Variants in EGR2 observed in about 807,000 individuals in gnomAD.
EGR2 encodes the protein early growth response 2, also known as E3 SUMO-protein ligase EGR2.
Under a neutral mutation model 21.2 loss-of-function variants are expected in EGR2, and 2 were observed. That is an observed-to-expected ratio of 0.09 (90% CI 0.04 to 0.30). EGR2 has a LOEUF of 0.30. Ranked by LOEUF, EGR2 falls within the 10% of genes least tolerant of loss-of-function variation. EGR2 has a pLI of 1.00. For synonymous variants in EGR2, 282 were observed against 258.2 expected (o/e 1.09, Z -0.88); for missense variants, 458 against 630.2 (o/e 0.73, Z 2.93).
At chr10:62,818,918 T>G (rs1838319474), upstream of EGR2, among the ~76,000 whole-genome samples, 2 of 151,878 alleles carry the variant, frequency 1.3e-5, no homozygotes, top group East Asian at 3.9e-4. Flanking sequence ...GACGCCCGAG[T>G]GCCCGGCCAG....
chr10:62,814,536 CG>C lies in EGR2; in HGVS notation c.170-69del. ...ACAGCCAGGACTCCCTTCTCACCCC[CG>C]CTCACATAGGTCCATTTCCAAGGCC... On this transcript the variant is annotated intron_variant, in intron 1 of 1. Transcript: ENST00000242480. This position sits in a 1 kb window ranked among gnomAD's most constrained non-coding sequence, Gnocchi z 4.8. 1 of 1,452,686 alleles carries C rather than the reference CG, an allele frequency of 6.9e-7. No homozygotes were observed. The highest frequency in any genetic ancestry group is 9.7e-7 in the Non-Finnish European group (1 of 1,035,718). The allele number at this position is 1,452,686 out of a possible 1,614,324, so 90.0% of individuals were successfully genotyped here.
intron 1 of EGR2, among the ~76,000 whole-genome samples, chr10:62,815,640 C>T (rs1842246854): frequency 1.3e-5 from 2 of 152,232 alleles, no homozygotes; most frequent in Non-Finnish European, 2.9e-5. Flanking sequence ...CGCCGGGGCG[C>T]ACGCACGCCG....
Position 62,812,180 on chromosome 10 carries a change from T to A in EGR2, c.*1027A>T, listed in dbSNP as rs996934484. 6.5e-6 allele frequency: 1 copy of A among 152,794 alleles called. No individual in the cohort carries two copies. The highest frequency in any genetic ancestry group is 1.5e-5 in the Non-Finnish European group (1 of 68,038). The allele number at this position is 152,794 out of a possible 1,614,324, so 9.5% of individuals were successfully genotyped here. On this transcript the variant is annotated 3_prime_UTR_variant, in exon 2 of 2. Coordinates refer to ENST00000242480, the MANE Select transcript of EGR2 (RefSeq NM_000399.5). ...AAATTTGACTACAAAGGTAACACTTTTAAGTCACAAAACAAAGCATACAAA... is the reference window on the plus strand; with the variant it reads ...AAATTTGACTACAAAGGTAACACTTATAAGTCACAAAACAAAGCATACAAA...
rs777521477 is a variant in EGR2 at position 62,814,487 on chromosome 10, G to T, written c.170-19C>A. On this transcript the variant is annotated intron_variant, in intron 1 of 1. Coordinates refer to ENST00000242480, the MANE Select transcript of EGR2 (RefSeq NM_000399.5). This position sits in a 1 kb window ranked among gnomAD's most constrained non-coding sequence, Gnocchi z 4.8. ...ATGCCATCTGGGGAGGGGAAAGGCAGAATGGAGGTGGAACAATGAAAATAC... is the reference window on the plus strand; with the variant it reads ...ATGCCATCTGGGGAGGGGAAAGGCATAATGGAGGTGGAACAATGAAAATAC... 2 of 1,612,264 alleles carry T rather than the reference G, an allele frequency of 1.2e-6. No individual in the cohort carries two copies. Among genetic ancestry groups the T allele is most frequent in the African/African-American group, 2.7e-5 (2 of 74,826 alleles).
Position 62,814,792 on chromosome 10 carries a change from A to T in EGR2, c.170-324T>A, listed in dbSNP as rs542164952. Among the ~76,000 whole-genome samples, 18 of 152,340 alleles carry T rather than the reference A, an allele frequency of 1.2e-4. No homozygotes were observed. Among genetic ancestry groups the T allele is most frequent in the African/African-American group, 2.9e-4 (12 of 41,576 alleles). On this transcript the variant is annotated intron_variant, in intron 1 of 1. Transcript: ENST00000242480. This position sits in a 1 kb window ranked among gnomAD's most constrained non-coding sequence, Gnocchi z 4.8. ...CCAATAATAGCAACAACAATATTTT[A>T]AAAAGCCTCATCCGCCCGGAGCTTT...
In EGR2 at chr10:62,813,289, C is replaced by G. The variant is rs1032405898; in HGVS notation, c.1349G>C (p.Gly450Ala). The G allele has an allele frequency of 1.3e-6, 2 of 1,573,218 alleles. No individual in the cohort carries two copies. The highest frequency in any genetic ancestry group is 2.7e-5 in the African/African-American group (2 of 74,232). Residue 450 changes from glycine to alanine, a missense_variant, in exon 2 of 2, where the codon GGG becomes GCG. By Grantham distance (60) the Gly-to-Ala change is moderately conservative. Transcript: ENST00000242480. The surrounding 1 kb of genome is among the most constrained non-coding windows in gnomAD (Gnocchi z 5.7). The stretch of plus-strand genomic sequence containing the variant: ...GCTGTTACTGCTGCACAGGGTACCC[C>G]CAGGCTGCACGCCCCCAGAGCAGGA... ...TASCSGGVQPGGTLCSSNSSS... is the reference protein window; with the variant it reads ...TASCSGGVQPAGTLCSSNSSS...
Position 62,813,244 on chromosome 10 carries a change from G to A in EGR2, c.1394C>T (p.Pro465Leu). ...SSNSSSLGGGPLAPCSSRTRT... is the reference protein window; with the variant it reads ...SSNSSSLGGGLLAPCSSRTRT... ...GGTCCGAGAGGAGCAAGGGGCGAGC[G>A]GCCCTCCGCCAAGACTGCTGCTGTT... Residue 465 changes from proline to leucine, a missense_variant, in exon 2 of 2, where the codon CCG becomes CTG. Pro to Leu is a moderately conservative substitution (Grantham distance 98). Transcript: ENST00000242480. The surrounding 1 kb of genome is among the most constrained non-coding windows in gnomAD (Gnocchi z 5.7). The A allele has an allele frequency of 5.7e-6, 9 of 1,566,804 alleles. No individual in the cohort carries two copies. Among genetic ancestry groups the A allele is most frequent in the African/African-American group, 1.4e-5 (1 of 73,810 alleles).
intron 1 of EGR2, among the ~76,000 whole-genome samples, chr10:62,815,510 T>C (rs1455310761): frequency 6.6e-6 from 1 of 152,124 alleles, no homozygotes; most frequent in African/African-American, 2.4e-5. Context: ...TACCGTCACT[T>C]TGCCCCTGCC....
upstream of EGR2, among the ~76,000 whole-genome samples, chr10:62,817,221 C>T (rs1443909767): frequency 6.6e-6 from 1 of 152,108 alleles, no homozygotes; most frequent in Non-Finnish European, 1.5e-5. The surrounding 1 kb of genome is among the most constrained non-coding windows in gnomAD (Gnocchi z 4.4). Context: ...GGCGCCCTTC[C>T]CGGCGCGTCT....
chr10:62,814,307 C>T lies in EGR2; in HGVS notation c.331G>A (p.Gly111Ser), dbSNP rs546268868. 2 of 1,614,140 alleles carry T rather than the reference C, an allele frequency of 1.2e-6. No individual in the cohort carries two copies. Among genetic ancestry groups the T allele is most frequent in the African/African-American group, 1.3e-5 (1 of 75,020 alleles). Reference sequence around the variant, plus strand: ...CCTGCACTCACAATATTGATTATGCCTTCTGGGTAGCAGCTGGCACCAGGG... The same window carrying T: ...CCTGCACTCACAATATTGATTATGCTTTCTGGGTAGCAGCTGGCACCAGGG... ...QYPGASCYPE[G>S]IINIVSAGIL... Residue 111 changes from glycine to serine, a missense_variant, in exon 2 of 2, where the codon GGC (glycine) becomes AGC (serine). Gly to Ser is a moderately conservative substitution (Grantham distance 56, BLOSUM62 0). Transcript: ENST00000242480. The surrounding 1 kb of genome is among the most constrained non-coding windows in gnomAD (Gnocchi z 4.8).
At position 62,813,272 on chromosome 10, in the gene EGR2, T is replaced by G; in HGVS notation, c.1366A>C (p.Ser456Arg). 1 of 1,568,980 alleles carries G rather than the reference T, an allele frequency of 6.4e-7. No individual in the cohort carries two copies. Among genetic ancestry groups the G allele is most frequent in the Non-Finnish European group, 8.6e-7 (1 of 1,157,278 alleles). Residue 456 changes from serine (S) to arginine (R), a missense_variant, in exon 2 of 2, where the codon AGT (serine) becomes CGT (arginine). Physicochemically the swap from Ser to Arg is moderately radical, Grantham distance 110. This residue lies in a region of EGR2 where 69 missense variants were observed against 70.4 expected (regional missense o/e 0.98). Transcript: ENST00000242480. The surrounding 1 kb of genome is among the most constrained non-coding windows in gnomAD (Gnocchi z 5.7). ...CCTCCGCCAAGACTGCTGCTGTTACTGCTGCACAGGGTACCCCCAGGCTGC... is the reference window on the plus strand; with the variant it reads ...CCTCCGCCAAGACTGCTGCTGTTACGGCTGCACAGGGTACCCCCAGGCTGC... The part of the protein sequence containing the change: ...GVQPGGTLCS[S>R]NSSSLGGGPL...
At position 62,816,106 on chromosome 10, in the gene EGR2, G is replaced by A. The variant is rs1171200529; in HGVS notation, c.-77C>T. The A allele has an allele frequency of 6.2e-7, 1 of 1,612,552 alleles. No homozygotes were observed. Among genetic ancestry groups the A allele is most frequent in the Non-Finnish European group, 8.5e-7 (1 of 1,179,810 alleles). On this transcript the variant is annotated 5_prime_UTR_variant, in exon 1 of 2. Transcript: ENST00000242480. ...GAAAAGCCGTTTTGGAGAGGGGTTG[G>A]ACTGAGCCTGGGATGGTATCTCCTT... is the stretch of plus-strand genomic sequence containing the variant.
chr10:62,815,302 G>A (rs1842233131), intron 1 of EGR2, among the ~76,000 whole-genome samples: 1 of 152,210 alleles, frequency 6.6e-6, no homozygotes, highest in Non-Finnish European at 1.5e-5. Flanking sequence ...CCGCCGGCCG[G>A]AGCCCCCGCC....
In EGR2 at chr10:62,813,017, A is replaced by G. The variant is rs532376173; in HGVS notation, c.*190T>C. Reference sequence around the variant, plus strand: ...TTGATAGTCAACTCACCTAAGAGAGACTAGAATGGGCTAAGTTTTAGGAAG... The same window carrying G: ...TTGATAGTCAACTCACCTAAGAGAGGCTAGAATGGGCTAAGTTTTAGGAAG... On this transcript the variant is annotated 3_prime_UTR_variant, in exon 2 of 2. Coordinates refer to ENST00000242480, the MANE Select transcript of EGR2 (RefSeq NM_000399.5). The surrounding 1 kb of genome is among the most constrained non-coding windows in gnomAD (Gnocchi z 5.7). 1.6e-6 allele frequency: 1 copy of G among 608,290 alleles called. No homozygotes were observed. Among genetic ancestry groups the G allele is most frequent in the African/African-American group, 1.8e-5 (1 of 54,462 alleles). The allele number at this position is 608,290 out of a possible 1,614,324, so 37.7% of individuals were successfully genotyped here.
At chr10:62,816,395 T>C, upstream of EGR2, 1 of 1,193,550 alleles carries the variant, frequency 8.4e-7, no homozygotes, top group Admixed American at 3.6e-5. Flanking sequence ...TAAGTATTTA[T>C]GGGCAGGTCT....
At position 62,816,312 on chromosome 10, in the gene EGR2, TAACAG is replaced by T; in HGVS notation, c.-288_-284del. On this transcript the variant is annotated 5_prime_UTR_variant, in exon 1 of 2. Coordinates refer to ENST00000242480, the MANE Select transcript of EGR2 (RefSeq NM_000399.5). ...AGGAGTTGCTGGTGTAGTGTTATTA[TAACAG>T]TCAGTGAGTCCCCTCGCCGAGCTAT... is the stretch of plus-strand genomic sequence containing the variant. 7.7e-7 allele frequency: 1 copy of T among 1,307,126 alleles called. No individual in the cohort carries two copies. Among genetic ancestry groups the T allele is most frequent in the Non-Finnish European group, 9.8e-7 (1 of 1,020,104 alleles). 81.0% of individuals were successfully genotyped at this position (1,307,126 alleles called of 1,614,324 possible).
Position 62,812,508 on chromosome 10 carries a change from A to C in EGR2, c.*699T>G, listed in dbSNP as rs1463205772. ...GTACATCAAAAATACACAAAATCTG[A>C]GTGGATATACACTGAAAAAATAGCC... On this transcript the variant is annotated 3_prime_UTR_variant, in exon 2 of 2. Coordinates refer to ENST00000242480, the MANE Select transcript of EGR2 (RefSeq NM_000399.5). The C allele has an allele frequency of 6.5e-6, 1 of 152,806 alleles. No individual in the cohort carries two copies. The highest frequency in any genetic ancestry group is 1.5e-5 in the Non-Finnish European group (1 of 68,046). 9.5% of individuals were successfully genotyped at this position (152,806 alleles called of 1,614,324 possible). A position where few individuals can be genotyped will look rare whatever the true frequency, so the allele number is the denominator to read the frequency against.
At position 62,812,390 on chromosome 10, in the gene EGR2, G is replaced by A. The variant is rs1468347932; in HGVS notation, c.*817C>T. The A allele has an allele frequency of 6.5e-6, 1 of 152,760 alleles. No homozygotes were observed. Among genetic ancestry groups the A allele is most frequent in the East Asian group, 1.9e-4 (1 of 5,334 alleles). The allele number at this position is 152,760 out of a possible 1,614,324, so 9.5% of individuals were successfully genotyped here. A position where few individuals can be genotyped will look rare whatever the true frequency, so the allele number is the denominator to read the frequency against. ...CACAATTGCATGCATCCTAGTTTCA[G>A]AGAATATATGTACATCCCCCTTAAA... On this transcript the variant is annotated 3_prime_UTR_variant, in exon 2 of 2. Transcript: ENST00000242480.
rs574811941 is a variant in EGR2, at chr10:62,814,740, G to A, written c.170-272C>T. On this transcript the variant is annotated intron_variant, in intron 1 of 1. Coordinates refer to ENST00000242480, the MANE Select transcript of EGR2 (RefSeq NM_000399.5). This position sits in a 1 kb window ranked among gnomAD's most constrained non-coding sequence, Gnocchi z 4.8. Reference sequence around the variant, plus strand: ...AACTCCCCTCCACCCCCAGCCATCTGTGGCTCTAGTCCCCAATAAAAAACA... The same window carrying A: ...AACTCCCCTCCACCCCCAGCCATCTATGGCTCTAGTCCCCAATAAAAAACA... 6.6e-6 allele frequency among the ~76,000 whole-genome samples: 1 copy of A among 152,328 alleles called. No individual in the cohort carries two copies. Among genetic ancestry groups the A allele is most frequent in the Non-Finnish European group, 1.5e-5 (1 of 68,028 alleles).
Sources: allele counts gnomAD v4.1 joint callset (sites outside exome capture counted in the v4.1 genomes callset), GRCh38; gene constraint gnomAD v4.1.1; regional missense constraint gnomAD v4.1.1; non-coding constraint Gnocchi (gnomAD v3.1); transcripts MANE v1.5; gene names NCBI Gene and HGNC (gene_info 2026-07-23, HGNC 2026-07-21).